The following PCSK5 variants were observed in gnomAD, a reference collection of about 807,000 sequenced individuals.
PCSK5 encodes prohormone convertase 5.
A neutral mutation model predicts 233.2 loss-of-function variants in PCSK5; 129 were observed. That is an observed-to-expected ratio of 0.55 (90% CI 0.48 to 0.64). The LOEUF is 0.64. PCSK5 is among the 30% of genes least tolerant of loss of function. The pLI, the probability that PCSK5 is intolerant of heterozygous loss-of-function variation, is 0.00. For synonymous variants in PCSK5, 825 were observed against 879.2 expected (o/e 0.94, Z 1.09); for missense variants, 2,076 against 2,430.1 (o/e 0.85, Z 3.06).
Position 76,361,932 on chromosome 9 carries a change from C to G in PCSK5, c.*3010C>G, listed in dbSNP as rs1037593623. Reference sequence around the variant, plus strand: ...CTCTGATAGACTGAGTTTGACATTTCTTTCTGTAAACTGGAAATTGTTTTC... The same window carrying G: ...CTCTGATAGACTGAGTTTGACATTTGTTTCTGTAAACTGGAAATTGTTTTC... On this transcript the variant is annotated 3_prime_UTR_variant, in exon 38 of 38. Coordinates refer to ENST00000674117, the MANE Select transcript of PCSK5 (RefSeq NM_001372043.1). 6.6e-6 allele frequency: 1 copy of G among 152,062 alleles called. No homozygotes were observed. The highest frequency in any genetic ancestry group is 1.5e-5 in the Non-Finnish European group (1 of 68,016). The allele number at this position is 152,062 out of a possible 1,614,324, so 9.4% of individuals were successfully genotyped here. A position where few individuals can be genotyped will look rare whatever the true frequency, so the allele number is the denominator to read the frequency against.
chr9:76,154,038 G>T (rs192391772), intron 10 of PCSK5, among the ~76,000 whole-genome samples: 3 of 152,236 alleles, frequency 2.0e-5, no homozygotes, highest in Admixed American at 2.0e-4. Context: ...CTGCATAATG[G>T]CTCTTTCCCG....
chr9:76,233,520 C>T lies in PCSK5; in HGVS notation c.2790C>T (p.Asn930=), dbSNP rs1439879165. The stretch of plus-strand genomic sequence containing the variant: ...CCTCATGGAAATTTGAATTTGAGAA[C>T]CAATGCCATCCATGCCACCACACCT... The part of the protein sequence containing the change: ...NCPSWKFEFE[N]QCHPCHHTCQ... The change falls in exon 22 of 38, where the codon AAC becomes AAT. Residue 930 remains asparagine, a synonymous_variant. Transcript: ENST00000674117. The T allele has an allele frequency of 6.2e-7, 1 of 1,612,622 alleles. No individual in the cohort carries two copies. The highest frequency in any genetic ancestry group is 8.5e-7 in the Non-Finnish European group (1 of 1,179,754).
At chr9:76,214,222 G>A (rs1199327893) in intron 20 of PCSK5, among the ~76,000 whole-genome samples, 1 of 152,004 alleles carries the variant, frequency 6.6e-6, no homozygotes. Flanking sequence ...AAAATGGTAG[G>A]CAAGCAAATA....
At chr9:76,073,759 G>A (rs1313999651) in intron 7 of PCSK5, among the ~76,000 whole-genome samples, 1 of 152,040 alleles carries the variant, frequency 6.6e-6, no homozygotes, top group Non-Finnish European at 1.5e-5. Flanking sequence ...TCAATAGCTG[G>A]TTTTACTAAC....
chr9:75,997,003 C>T (rs931884558), intron 3 of PCSK5, among the ~76,000 whole-genome samples: 1 of 152,132 alleles, frequency 6.6e-6, no homozygotes, highest in Non-Finnish European at 1.5e-5. Context: ...TTACTTTTCA[C>T]TCAGTATTGG....
At chr9:75,967,919 C>T (rs545053182) in intron 2 of PCSK5, among the ~76,000 whole-genome samples, 2 of 152,184 alleles carry the variant, frequency 1.3e-5, no homozygotes, top group Admixed American at 6.5e-5. Context: ...TGCGCCACCA[C>T]GCCTAGCTAA....
intron 35 of PCSK5, among the ~76,000 whole-genome samples, chr9:76,349,288 A>AG (rs1413053249): frequency 9.8e-5 from 6 of 61,066 alleles, no homozygotes; most frequent in South Asian, 7.2e-4. Flanking sequence ...AAAAAAAAAA[A>AG]AAAGAAAAAA....
At chr9:76,151,185 G>A (rs548517257) in intron 10 of PCSK5, among the ~76,000 whole-genome samples, 13 of 152,094 alleles carry the variant, frequency 8.5e-5, no homozygotes, top group Non-Finnish European at 1.6e-4. Context: ...TTATTTCAGA[G>A]CAGGTGGTTC....
At chr9:75,898,020 T>TA (rs1185509015) in intron 1 of PCSK5, among the ~76,000 whole-genome samples, 4 of 152,236 alleles carry the variant, frequency 2.6e-5, no homozygotes, top group African/African-American at 9.6e-5. Flanking sequence ...CATGCCTTTA[T>TA]ATGCCTTTCT....
intron 20 of PCSK5, among the ~76,000 whole-genome samples, chr9:76,219,088 C>G (rs923600171): frequency 6.6e-6 from 1 of 152,156 alleles, no homozygotes; most frequent in African/African-American, 2.4e-5. Context: ...AAGCTGCGAC[C>G]AGCTATCATG....
intron 11 of PCSK5, among the ~76,000 whole-genome samples, chr9:76,157,847 A>G (rs936406883): frequency 2.0e-5 from 3 of 152,244 alleles, no homozygotes; most frequent in Non-Finnish European, 4.4e-5. Context: ...GAGAAAAAAC[A>G]AAAGGGTGGA....
At chr9:76,254,623 A>C (rs1292286166) in intron 24 of PCSK5, among the ~76,000 whole-genome samples, 2 of 152,168 alleles carry the variant, frequency 1.3e-5, no homozygotes, top group Non-Finnish European at 2.9e-5. Context: ...ACCCTTCTTT[A>C]GTGTCATTTT....
intron 20 of PCSK5, among the ~76,000 whole-genome samples, chr9:76,222,253 G>A (rs1825751067): frequency 6.6e-6 from 1 of 152,126 alleles, no homozygotes; most frequent in Non-Finnish European, 1.5e-5. Flanking sequence ...CCCAAAGACA[G>A]GCAATACTGA....
intron 2 of PCSK5, among the ~76,000 whole-genome samples, chr9:75,935,866 G>C (rs941977897): frequency 6.6e-6 from 1 of 152,098 alleles, no homozygotes; most frequent in African/African-American, 2.4e-5. Flanking sequence ...ATACTGCTTT[G>C]TTTCATTACT....
At chr9:75,909,390 T>C (rs890602236) in intron 1 of PCSK5, among the ~76,000 whole-genome samples, 2 of 149,238 alleles carry the variant, frequency 1.3e-5, no homozygotes, top group Non-Finnish European at 3.0e-5. Flanking sequence ...CTGGAAGAGT[T>C]TTCTGTAGTT....
intron 24 of PCSK5, among the ~76,000 whole-genome samples, chr9:76,248,464 C>G (rs1826689667): frequency 6.6e-6 from 1 of 151,916 alleles, no homozygotes; most frequent in African/African-American, 2.4e-5. Flanking sequence ...CTCTTTTTTA[C>G]AGAAACAGTT....
intron 10 of PCSK5, among the ~76,000 whole-genome samples, chr9:76,146,959 C>T (rs148394706): frequency 6.6e-6 from 1 of 152,190 alleles, no homozygotes; most frequent in East Asian, 1.9e-4. Flanking sequence ...TGAATTTTGC[C>T]TCCCCTATAA....
Position 76,181,456 on chromosome 9 carries a change from A to G in PCSK5, c.2062A>G (p.Lys688Glu). ...CCACGCCGACAAGAAGCGCTGCAGG[A>G]AGTGTGCCCCCAACTGTGAGTCCTG... ...HYHADKKRCR[K>E]CAPNCESCFG... The change falls in exon 16 of 38, where the codon AAG becomes GAG. Residue 688 changes from lysine (K) to glutamate (E), a missense_variant. This residue lies in a region of PCSK5 where 1,510 missense variants were observed against 1,538.1 expected (regional missense o/e 0.98). Transcript: ENST00000674117. The G allele has an allele frequency of 6.2e-7, 1 of 1,614,084 alleles. No homozygotes were observed. The highest frequency in any genetic ancestry group is 1.3e-5 in the African/African-American group (1 of 75,042).
rs534598519 is a variant in PCSK5 at position 75,924,224 on chromosome 9, A to G, written c.193-8155A>G. Among the ~76,000 whole-genome samples the G allele has an allele frequency of 1.3e-3, 196 of 152,270 alleles. 1 individual carries two copies. The highest frequency in any genetic ancestry group is 4.1e-3 in the African/African-American group (171 of 41,542). Reference sequence around the variant, plus strand: ...TGAGCACCCTGATTTAAAAATATCTATACTGTAGTGATTTTGCTCTGAGTT... The same window carrying G: ...TGAGCACCCTGATTTAAAAATATCTGTACTGTAGTGATTTTGCTCTGAGTT... On this transcript the variant is annotated intron_variant, in intron 1 of 37. Coordinates refer to ENST00000674117, the MANE Select transcript of PCSK5 (RefSeq NM_001372043.1).
Sources: allele counts gnomAD v4.1 joint callset (sites outside exome capture counted in the v4.1 genomes callset), GRCh38; gene constraint gnomAD v4.1.1; regional missense constraint gnomAD v4.1.1; transcripts MANE v1.5; gene names NCBI Gene and HGNC (gene_info 2026-07-23, HGNC 2026-07-21).